Variants in PI4KA observed in about 807,000 individuals in gnomAD.
PI4KA encodes the protein phosphatidylinositol 4-kinase alpha.
In PI4KA, 122 loss-of-function variants were observed where a neutral mutation model predicts 271.4. The ratio of observed to expected loss-of-function variants is 0.45; its 90% CI spans 0.39 to 0.52. PI4KA has a LOEUF of 0.52. Ranked by LOEUF, PI4KA falls within the 20% of genes least tolerant of loss-of-function variation. PI4KA has a pLI of 0.00. For synonymous variants in PI4KA, 1,041 were observed against 1,078.8 expected (o/e 0.96, Z 0.69); for missense variants, 1,969 against 2,769.1 (o/e 0.71, Z 6.48).
At chr22:20,775,234 TTAAAA>T (rs2147456015) in intron 19 of PI4KA, among the ~76,000 whole-genome samples, 1 of 152,314 alleles carries the variant, frequency 6.6e-6, no homozygotes, top group South Asian at 2.1e-4. Context: ...TGATTTATCT[TTAAAA>T]TATATTGTTT....
chr22:20,724,374 G>A (rs1927104261), intron 42 of PI4KA, among the ~76,000 whole-genome samples: 2 of 151,762 alleles, frequency 1.3e-5, no homozygotes. Context: ...GGGATGCCAA[G>A]GCAGGTGAAT....
chr22:20,753,836 A>G (rs900450360), intron 23 of PI4KA, among the ~76,000 whole-genome samples: 7 of 152,008 alleles, frequency 4.6e-5, no homozygotes, highest in Non-Finnish European at 8.8e-5. Flanking sequence ...ACAGGTGCCC[A>G]CCACCACGCC....
At chr22:20,779,676 C>T in intron 19 of PI4KA, 2 of 1,614,170 alleles carry the variant, frequency 1.2e-6, no homozygotes, top group Non-Finnish European at 1.7e-6. Context: ...TGGCAAGAGC[C>T]GGATCCAGCG....
At chr22:20,741,559 A>T (rs1172643782) in intron 32 of PI4KA, among the ~76,000 whole-genome samples, 1 of 151,772 alleles carries the variant, frequency 6.6e-6, no homozygotes, top group African/African-American at 2.4e-5. Flanking sequence ...ATAGCAGGCA[A>T]ATGTGAGATA....
rs555527331 is a variant in PI4KA at position 20,739,072 on chromosome 22, G to A, written c.3741+3156C>T. Among the ~76,000 whole-genome samples the A allele has an allele frequency of 1.0e-4, 15 of 148,234 alleles. No homozygotes were observed. In the South Asian group the frequency reaches 2.6e-3, roughly 26 times the overall value. Reference sequence around the variant, plus strand: ...AAAAAAAAAAAGCAACTGGCTGGGCGCAGTGGCTCACGCCTAAAATCCCAA... The same window carrying A: ...AAAAAAAAAAAGCAACTGGCTGGGCACAGTGGCTCACGCCTAAAATCCCAA... On this transcript the variant is annotated intron_variant, in intron 32 of 54. Coordinates refer to ENST00000255882, the MANE Select transcript of PI4KA (RefSeq NM_058004.4).
At chr22:20,815,885 C>T (rs1569065967) in intron 7 of PI4KA, among the ~76,000 whole-genome samples, 1 of 152,020 alleles carries the variant, frequency 6.6e-6, no homozygotes, top group African/African-American at 2.4e-5. Flanking sequence ...ACAGGGGCTG[C>T]AGGAACTAGG....
At chr22:20,798,057 G>C (rs1243750785) in intron 17 of PI4KA, among the ~76,000 whole-genome samples, 1 of 152,184 alleles carries the variant, frequency 6.6e-6, no homozygotes, top group East Asian at 1.9e-4. Flanking sequence ...AAATGTTCAA[G>C]GACGTTTAAC....
rs922075127 is a variant in PI4KA, at chr22:20,765,374, C to G, written c.2438-138G>C. 1.0e-5 allele frequency: 10 copies of G among 957,080 alleles called. No homozygotes were observed. In the South Asian group the frequency reaches 1.3e-4, roughly 12 times the overall value. The allele number at this position is 957,080 out of a possible 1,614,324, so 59.3% of individuals were successfully genotyped here. A position where few individuals can be genotyped will look rare whatever the true frequency, so the allele number is the denominator to read the frequency against. ...TAGGCACAGAAACGAAGTCTGTTACCTGACTTGGACAGACTTTTCCTAAGG... is the reference window on the plus strand; with the variant it reads ...TAGGCACAGAAACGAAGTCTGTTACGTGACTTGGACAGACTTTTCCTAAGG... On this transcript the variant is annotated intron_variant, in intron 20 of 54. Transcript: ENST00000255882.
At position 20,778,160 on chromosome 22, in the gene PI4KA, C is replaced by A. The variant is rs188223410; in HGVS notation, c.2329-12467G>T. Among the ~76,000 whole-genome samples the A allele has an allele frequency of 2.4e-4, 37 of 152,240 alleles. No individual in the cohort carries two copies. In the East Asian group the frequency reaches 6.4e-3, roughly 26 times the overall value. The stretch of plus-strand genomic sequence containing the variant: ...GCTGCCACCACATCACCTCACTACG[C>A]CCTGAGGGGGTCTCAGCACTAGACA... On this transcript the variant is annotated intron_variant, in intron 19 of 54. Coordinates refer to ENST00000255882, the MANE Select transcript of PI4KA (RefSeq NM_058004.4).
intron 28 of PI4KA, among the ~76,000 whole-genome samples, chr22:20,749,618 A>T (rs948167952): frequency 2.0e-5 from 3 of 152,182 alleles, no homozygotes; most frequent in Admixed American, 6.5e-5. Context: ...CCACCACACA[A>T]GCCCTTCCTC....
intron 29 of PI4KA, among the ~76,000 whole-genome samples, chr22:20,746,234 T>C (rs945877415): frequency 6.6e-6 from 1 of 151,818 alleles, no homozygotes; most frequent in Non-Finnish European, 1.5e-5. Context: ...GGCTAATTTT[T>C]TGTATTTTTA....
At chr22:20,777,366 G>A (rs182471316) in intron 19 of PI4KA, among the ~76,000 whole-genome samples, 1 of 152,082 alleles carries the variant, frequency 6.6e-6, no homozygotes, top group Admixed American at 6.5e-5. Flanking sequence ...ACAGGCATGC[G>A]CCACCACGCC....
At chr22:20,858,442 G>C (rs1488882311) in intron 1 of PI4KA, 128 bp downstream of exon 1, 1 of 607,232 alleles carries the variant, frequency 1.6e-6, no homozygotes, top group African/African-American at 1.9e-5. Flanking sequence ...CCTCCGCTCA[G>C]GCGCCCCCTC....
intron 22 of PI4KA, among the ~76,000 whole-genome samples, chr22:20,763,304 G>A (rs1182589639): frequency 1.3e-5 from 2 of 151,980 alleles, no homozygotes; most frequent in Non-Finnish European, 2.9e-5. Context: ...TAGAGACGGG[G>A]TTTCACCATG....
chr22:20,777,269 T>G (rs1223262367), intron 19 of PI4KA, among the ~76,000 whole-genome samples: 1 of 151,434 alleles, frequency 6.6e-6, no homozygotes, highest in Non-Finnish European at 1.5e-5. Context: ...CAGGCTGGAG[T>G]GCAATGGTGC....
At chr22:20,790,135 C>T (rs574708510) in intron 19 of PI4KA, among the ~76,000 whole-genome samples, 1 of 152,074 alleles carries the variant, frequency 6.6e-6, no homozygotes, top group Non-Finnish European at 1.5e-5. Flanking sequence ...CACAAAGTTG[C>T]GGTACAAAGA....
At position 20,761,354 on chromosome 22, in the gene PI4KA, T is replaced by C. The variant is rs1166539819; in HGVS notation, c.2741A>G (p.Gln914Arg). 3 of 1,612,686 alleles carry C rather than the reference T, an allele frequency of 1.9e-6. No individual in the cohort carries two copies. Among genetic ancestry groups the C allele is most frequent in the Non-Finnish European group, 2.5e-6 (3 of 1,178,710 alleles). The change falls in exon 23 of 55, where the codon CAG (glutamine) becomes CGG (arginine). Residue 914 changes from glutamine to arginine, a missense_variant. Physicochemically the swap from Gln to Arg is conservative, Grantham distance 43. This residue lies in a region of PI4KA where 368 missense variants were observed against 544.3 expected (regional missense o/e 0.68). Coordinates refer to ENST00000255882, the MANE Select transcript of PI4KA (RefSeq NM_058004.4). Reference sequence around the variant, plus strand: ...ATCCTCAAAGTAGCAGAACATTACCTGGAAGCGATCAGGATCTGTTGAACG... The same window carrying C: ...ATCCTCAAAGTAGCAGAACATTACCCGGAAGCGATCAGGATCTGTTGAACG... Reference protein sequence around the residue: ...VLRSTDPDRFQVMFCYFEDKA... With the variant: ...VLRSTDPDRFRVMFCYFEDKA...
intron 8 of PI4KA, among the ~76,000 whole-genome samples, chr22:20,811,784 C>A (rs1569061498): frequency 6.6e-6 from 1 of 151,916 alleles, no homozygotes; most frequent in Admixed American, 6.6e-5. Flanking sequence ...GAGGCCGAGG[C>A]AGGCGGATAA....
Position 20,804,348 on chromosome 22 carries a change from G to T in PI4KA, c.1413C>A (p.Ser471=). 6.2e-7 allele frequency: 1 copy of T among 1,614,050 alleles called. No individual in the cohort carries two copies. Among genetic ancestry groups the T allele is most frequent in the East Asian group, 2.2e-5 (1 of 44,886 alleles). Residue 471 remains serine, a synonymous_variant, in exon 12 of 55, where the codon TCC becomes TCA. Transcript: ENST00000255882. ...GCAAGTGAGCAATAATGACTTTGCT[G>T]GACGTCTTGGACTGCAGCTTCTCAG... The part of the protein sequence containing the change: ...KLSEKLQSKT[S]SKVIIAHLPL...
Sources: allele counts gnomAD v4.1 joint callset (sites outside exome capture counted in the v4.1 genomes callset), GRCh38; gene constraint gnomAD v4.1.1; regional missense constraint gnomAD v4.1.1; transcripts MANE v1.5; gene names NCBI Gene and HGNC (gene_info 2026-07-23, HGNC 2026-07-21).